Variants in ARID5B observed in about 807,000 individuals in gnomAD.
The protein encoded by ARID5B is AT-rich interaction domain 5B, also known as AT-rich interactive domain-containing protein 5B.
In ARID5B, 13 loss-of-function variants were observed where a neutral mutation model predicts 97.2. The observed-to-expected ratio is 0.13, with a 90% CI of 0.09 to 0.21. The LOEUF (loss-of-function observed/expected upper bound fraction) is 0.21, where lower values mean the gene tolerates loss of function less well. Among genes scored for constraint, ARID5B ranks in the 10% least tolerant of loss-of-function variants. The pLI, the probability that ARID5B is intolerant of heterozygous loss-of-function variation, is 1.00. For missense variants in ARID5B, 1,210 were observed against 1,465.3 expected, an observed-to-expected ratio of 0.83 and a Z score of 2.84; for synonymous variants, 556 against 570.3, an observed-to-expected ratio of 0.97 and a Z score of 0.36.
chr10:61,903,982 T>C (rs956002), intron 2 of ARID5B, among the ~76,000 whole-genome samples: 41,653 of 148,906 alleles, frequency 0.28, 6,864 homozygotes, highest in Non-Finnish European at 0.37. Context: ...TGTTTGGAAA[T>C]ACTGTGAAAA....
chr10:62,058,215 G>T (rs371384474), intron 6 of ARID5B, among the ~76,000 whole-genome samples: 2 of 152,184 alleles, frequency 1.3e-5, no homozygotes, highest in Non-Finnish European at 2.9e-5. Flanking sequence ...CTGAAAACTG[G>T]TTGCTTGAAA....
At chr10:62,028,530 C>T (rs189289466) in intron 4 of ARID5B, among the ~76,000 whole-genome samples, 39 of 152,296 alleles carry the variant, frequency 2.6e-4, no homozygotes, top group Admixed American at 1.4e-3. Flanking sequence ...TTGTCACTCA[C>T]CACCTGTGTG....
chr10:62,067,149 G>A (rs185093625), intron 7 of ARID5B, among the ~76,000 whole-genome samples: 180 of 151,908 alleles, frequency 1.2e-3, no homozygotes, highest in Middle Eastern at 6.8e-3. Context: ...GCAATGGCGC[G>A]ATCTCAGCTC....
At chr10:62,021,024 A>G (rs1839348414) in intron 4 of ARID5B, among the ~76,000 whole-genome samples, 1 of 120,258 alleles carries the variant, frequency 8.3e-6, no homozygotes, top group East Asian at 2.5e-4. Flanking sequence ...TGGGTTTGTC[A>G]CATGAATATA....
At chr10:61,943,923 T>G (rs1844458950) in intron 3 of ARID5B, among the ~76,000 whole-genome samples, 1 of 152,204 alleles carries the variant, frequency 6.6e-6, no homozygotes, top group African/African-American at 2.4e-5. Flanking sequence ...TATTTGAGGA[T>G]GTCATCTTTC....
chr10:62,035,974 G>A (rs1316044730), intron 4 of ARID5B, among the ~76,000 whole-genome samples: 1 of 151,924 alleles, frequency 6.6e-6, no homozygotes, highest in East Asian at 1.9e-4. Flanking sequence ...ACAGGCGCCC[G>A]CCACCATGCC....
intron 3 of ARID5B, among the ~76,000 whole-genome samples, chr10:61,978,868 A>G (rs199865884): frequency 6.6e-6 from 1 of 152,170 alleles, no homozygotes; most frequent in East Asian, 1.9e-4. Context: ...CTCCTGCCTG[A>G]TTGCCCTGGC....
intron 4 of ARID5B, among the ~76,000 whole-genome samples, chr10:62,038,476 G>T (rs1839593163): frequency 6.6e-6 from 1 of 151,908 alleles, no homozygotes; most frequent in Non-Finnish European, 1.5e-5. Flanking sequence ...TGGAACATCA[G>T]TCTATTTTTG....
chr10:62,038,518 T>C (rs1839593847), intron 4 of ARID5B, among the ~76,000 whole-genome samples: 2 of 152,194 alleles, frequency 1.3e-5, no homozygotes, highest in African/African-American at 2.4e-5. Context: ...GTGAGCATGA[T>C]TTTTTTAAGT....
chr10:62,056,105 A>C (rs1475615345), intron 5 of ARID5B, among the ~76,000 whole-genome samples: 2 of 152,164 alleles, frequency 1.3e-5, no homozygotes, highest in Non-Finnish European at 2.9e-5. Context: ...TCAGCAACTT[A>C]GTGTTATATT....
rs1409426361 is a variant in ARID5B, at chr10:62,094,806, A to G, written c.*1776A>G. On this transcript the variant is annotated 3_prime_UTR_variant, in exon 10 of 10. Transcript: ENST00000279873. ...CGCAACACTACCAGTAGACTTTAGA[A>G]CCATAGTTAACTAAGTCTTTTACCT... 4.3e-6 allele frequency: 1 copy of G among 231,624 alleles called. No individual in the cohort carries two copies. Among genetic ancestry groups the G allele is most frequent in the Non-Finnish European group, 8.5e-6 (1 of 117,060 alleles). 14.3% of individuals were successfully genotyped at this position (231,624 alleles called of 1,614,324 possible).
intron 7 of ARID5B, among the ~76,000 whole-genome samples, chr10:62,069,233 A>T (rs1437149168): frequency 6.6e-6 from 1 of 152,250 alleles, no homozygotes; most frequent in Non-Finnish European, 1.5e-5. Context: ...CAGAAGATAC[A>T]AAAGCATGTT....
At chr10:61,988,412 A>C (rs1483770120) in intron 3 of ARID5B, among the ~76,000 whole-genome samples, 1 of 152,238 alleles carries the variant, frequency 6.6e-6, no homozygotes, top group Non-Finnish European at 1.5e-5. Flanking sequence ...GAGGGCTCTC[A>C]CCAGGTCTTA....
chr10:61,971,959 C>T (rs994137528), intron 3 of ARID5B, among the ~76,000 whole-genome samples: 1 of 152,232 alleles, frequency 6.6e-6, no homozygotes, highest in Non-Finnish European at 1.5e-5. Context: ...AGCCATCCAA[C>T]GCTGAAGAAC....
intron 4 of ARID5B, among the ~76,000 whole-genome samples, chr10:62,020,229 G>A (rs1433524424): frequency 6.6e-6 from 1 of 152,158 alleles, no homozygotes; most frequent in African/African-American, 2.4e-5. Flanking sequence ...AGCAAGAAAG[G>A]AAGGGCGTGC....
intron 8 of ARID5B, among the ~76,000 whole-genome samples, chr10:62,078,653 T>G (rs1840169660): frequency 6.6e-6 from 1 of 152,144 alleles, no homozygotes; most frequent in African/African-American, 2.4e-5. Flanking sequence ...AAGCATGCAT[T>G]TTAATCCCTG....
intron 4 of ARID5B, among the ~76,000 whole-genome samples, chr10:62,017,285 T>A (rs1010349423): frequency 6.6e-6 from 1 of 152,116 alleles, no homozygotes; most frequent in Admixed American, 6.5e-5. Flanking sequence ...AAACCCTGTC[T>A]CTACTAAAAA....
intron 3 of ARID5B, among the ~76,000 whole-genome samples, chr10:61,996,895 A>AAATAT (rs1554843346): frequency 2.1e-5 from 3 of 146,148 alleles, no homozygotes; most frequent in African/African-American, 7.5e-5. Flanking sequence ...GAAAAAAAAA[A>AAATAT]ATATATATAT....
At position 61,940,210 on chromosome 10, in the gene ARID5B, G is replaced by C; in HGVS notation, c.304G>C (p.Val102Leu). ...EDEVIAVSEKVIVKLEDLVKW... is the reference protein window; with the variant it reads ...EDEVIAVSEKLIVKLEDLVKW... ...TGAAGTCATTGCTGTTTCCGAAAAGGTGATTGTGAAGCTTGAAGACCTGGT... is the reference window on the plus strand; with the variant it reads ...TGAAGTCATTGCTGTTTCCGAAAAGCTGATTGTGAAGCTTGAAGACCTGGT... Residue 102 changes from valine to leucine, a missense_variant, in exon 3 of 10, where the codon GTG (valine) becomes CTG (leucine). Val to Leu is a conservative substitution (Grantham distance 32, BLOSUM62 1). Around this residue, in one of 8 missense-constraint regions of ARID5B, gnomAD observed 80 missense variants for 133.2 expected, o/e 0.60. Coordinates refer to ENST00000279873, the MANE Select transcript of ARID5B (RefSeq NM_032199.3). 6.2e-7 allele frequency: 1 copy of C among 1,614,122 alleles called. No homozygotes were observed. Among genetic ancestry groups the C allele is most frequent in the Non-Finnish European group, 8.5e-7 (1 of 1,179,994 alleles).
Sources: gnomAD v4.1 joint callset for allele counts (sites outside exome capture counted in the v4.1 genomes callset) on GRCh38, gnomAD v4.1.1 for gene constraint, gnomAD v4.1.1 regional missense constraint, MANE v1.5 for transcripts, NCBI Gene and HGNC (gene_info 2026-07-23, HGNC 2026-07-21) for gene names.